The following RAB11FIP4 variants were observed in gnomAD, a reference collection of about 807,000 sequenced individuals.
The protein encoded by RAB11FIP4 is RAB11 family interacting protein 4.
In RAB11FIP4, 23 loss-of-function variants were observed where a neutral mutation model predicts 74.3. That is an observed-to-expected ratio of 0.31 (90% CI 0.22 to 0.44). The LOEUF (loss-of-function observed/expected upper bound fraction) is 0.44, where lower values mean the gene tolerates loss of function less well. Among genes scored for constraint, RAB11FIP4 ranks in the 20% least tolerant of loss-of-function variants. RAB11FIP4 has a pLI of 1.00. For synonymous variants in RAB11FIP4, 360 were observed against 359.9 expected (o/e 1.00, Z 0.00); for missense variants, 630 against 863.9 (o/e 0.73, Z 3.39).
In RAB11FIP4 at chr17:31,536,912, A is replaced by G. The variant is rs2072974139; in HGVS notation, c.*5180A>G. ...CCATGCTCACCAGGCGAGGTTTCCC[A>G]TATGACCTCCCTGCCCCGACCTCGT... On this transcript the variant is annotated 3_prime_UTR_variant, in exon 15 of 15. Transcript: ENST00000621161. The G allele has an allele frequency of 7.5e-6, 3 of 398,778 alleles. No homozygotes were observed. Among genetic ancestry groups the G allele is most frequent in the South Asian group, 2.6e-4 (2 of 7,746 alleles). The allele number at this position is 398,778 out of a possible 1,614,324, so 24.7% of individuals were successfully genotyped here.
At chr17:31,410,571 A>G (rs1296573834) in intron 1 of RAB11FIP4, among the ~76,000 whole-genome samples, 1 of 151,574 alleles carries the variant, frequency 6.6e-6, no homozygotes, top group Non-Finnish European at 1.5e-5. Flanking sequence ...GAAATTGGCC[A>G]GGCATGGTGG....
rs112402027 is a variant in RAB11FIP4, at chr17:31,435,689, G to T, written c.336+1567G>T. On this transcript the variant is annotated intron_variant, in intron 3 of 14. Coordinates refer to ENST00000621161, the MANE Select transcript of RAB11FIP4 (RefSeq NM_032932.6). ...AGGCCTCTTGGAATCCAGCTGGGTC[G>T]TGGGGTCAGGGTTAGGTTCCCTGGG... Among the ~76,000 whole-genome samples the T allele has an allele frequency of 2.6e-5, 4 of 152,332 alleles. No homozygotes were observed. In the East Asian group the frequency reaches 7.7e-4, roughly 29 times the overall value.
chr17:31,456,061 G>A (rs1213294113), intron 3 of RAB11FIP4, among the ~76,000 whole-genome samples: 2 of 152,154 alleles, frequency 1.3e-5, no homozygotes, highest in African/African-American at 2.4e-5. Context: ...ACCAAGTTCC[G>A]TGTCAGAAAG....
chr17:31,447,085 C>A (rs371795573), intron 3 of RAB11FIP4, among the ~76,000 whole-genome samples: 1 of 152,124 alleles, frequency 6.6e-6, no homozygotes. Flanking sequence ...GAGATCGAGA[C>A]CATCCTGGCT....
intron 13 of RAB11FIP4, 26 bp from the exon 14 acceptor site, chr17:31,530,300 T>C (rs1377549950): frequency 6.2e-7 from 1 of 1,611,584 alleles, no homozygotes; most frequent in Non-Finnish European, 8.5e-7. Context: ...TTGGGGTTGA[T>C]GTCGCCTTCG....
chr17:31,397,379 G>T (rs553605272), intron 1 of RAB11FIP4, among the ~76,000 whole-genome samples: 3 of 152,310 alleles, frequency 2.0e-5, no homozygotes, highest in South Asian at 2.1e-4. Context: ...GTGGCGGGGG[G>T]TGCAGAATTG....
In RAB11FIP4 at chr17:31,521,438, G is replaced by A. The variant is rs8066568; in HGVS notation, c.758+78G>A. 330 of 1,303,744 alleles carry A rather than the reference G, an allele frequency of 2.5e-4. No individual in the cohort carries two copies. The African/African-American group carries it at 4.7e-3, about 18-fold the overall frequency. The allele number at this position is 1,303,744 out of a possible 1,614,324, so 80.8% of individuals were successfully genotyped here. On this transcript the variant is annotated intron_variant, in intron 5 of 14. Coordinates refer to ENST00000621161, the MANE Select transcript of RAB11FIP4 (RefSeq NM_032932.6). ...TAAGCACATCCTAGGGGGTGGGGGG[G>A]TGCGAGTCCTGAGCTGGCCCTTTTC...
chr17:31,416,050 C>G lies in RAB11FIP4; in HGVS notation c.160-15763C>G, dbSNP rs867677335. 4.6e-5 allele frequency among the ~76,000 whole-genome samples: 7 copies of G among 152,318 alleles called. No homozygotes were observed. The South Asian group carries it at 6.2e-4, about 14-fold the overall frequency. ...GGCCCAGAGAGGCAACAGGGCTTGC[C>G]CGAGGTCACGCAGTGGTACCTTATC... On this transcript the variant is annotated intron_variant, in intron 1 of 14. Transcript: ENST00000621161.
chr17:31,398,134 G>A (rs970765316), intron 1 of RAB11FIP4, among the ~76,000 whole-genome samples: 1 of 152,124 alleles, frequency 6.6e-6, no homozygotes, highest in East Asian at 1.9e-4. Context: ...CAACTCCGGG[G>A]TTCAAGCGAT....
intron 3 of RAB11FIP4, among the ~76,000 whole-genome samples, chr17:31,460,659 G>T (rs1194101730): frequency 1.3e-5 from 2 of 152,134 alleles, no homozygotes; most frequent in Admixed American, 1.3e-4. Flanking sequence ...TCCAAGACTA[G>T]TGGTAGCAGG....
chr17:31,494,590 C>T (rs1315749904), intron 3 of RAB11FIP4, among the ~76,000 whole-genome samples: 1 of 152,168 alleles, frequency 6.6e-6, no homozygotes, highest in African/African-American at 2.4e-5. Context: ...CAAAACTCTA[C>T]TTCCTCAGCT....
intron 3 of RAB11FIP4, among the ~76,000 whole-genome samples, chr17:31,476,472 A>G (rs985931081): frequency 6.6e-6 from 1 of 152,196 alleles, no homozygotes; most frequent in Non-Finnish European, 1.5e-5. Context: ...GGTGTGAGCC[A>G]CCGTGCCTGG....
At chr17:31,433,934 T>G in intron 2 of RAB11FIP4, 100 bp from the exon 3 acceptor site, 1 of 1,209,442 alleles carries the variant, frequency 8.3e-7, no homozygotes. Context: ...GGCCCCCACC[T>G]CAGCCCTTCC....
At chr17:31,456,296 TTC>T (rs4039051) in intron 3 of RAB11FIP4, among the ~76,000 whole-genome samples, 53,191 of 151,962 alleles carry the variant, frequency 0.35, 9,543 homozygotes, top group South Asian at 0.46. Flanking sequence ...TGGCCCAGCC[TTC>T]TAGGCTCAAG....
chr17:31,517,635 G>T lies in RAB11FIP4; in HGVS notation c.337-16G>T, dbSNP rs762897505. On this transcript the variant is annotated splice_polypyrimidine_tract_variant and intron_variant, in intron 3 of 14. Transcript: ENST00000621161. Reference sequence around the variant, plus strand: ...AGCTGGCCTCACTTATCTTGTCTCTGCTCTCTCTTTCCCAGGGCAGCGAGG... The same window carrying T: ...AGCTGGCCTCACTTATCTTGTCTCTTCTCTCTCTTTCCCAGGGCAGCGAGG... 3.2e-6 allele frequency: 5 copies of T among 1,584,992 alleles called. No individual in the cohort carries two copies. In the South Asian group the frequency reaches 5.8e-5, roughly 18 times the overall value.
chr17:31,505,574 A>ATAATAATT, intron 3 of RAB11FIP4, among the ~76,000 whole-genome samples: 1 of 85,106 alleles, frequency 1.2e-5, no homozygotes, highest in African/African-American at 5.1e-5. Context: ...AATATATAAT[A>ATAATAATT]ATATATAATA....
rs2072981473 is a variant in RAB11FIP4, at chr17:31,537,278, C to T, written c.*5546C>T. On this transcript the variant is annotated 3_prime_UTR_variant, in exon 15 of 15. Coordinates refer to ENST00000621161, the MANE Select transcript of RAB11FIP4 (RefSeq NM_032932.6). ...GTGCCTCCCCCAGGTGAGGCCAGCT[C>T]TCCCGGGCACATTCGTCCACAAGGA... is the stretch of plus-strand genomic sequence containing the variant. 1 of 398,868 alleles carries T rather than the reference C, an allele frequency of 2.5e-6. No homozygotes were observed. The highest frequency in any genetic ancestry group is 4.4e-6 in the Non-Finnish European group (1 of 226,104). The allele number at this position is 398,868 out of a possible 1,614,324, so 24.7% of individuals were successfully genotyped here.
chr17:31,484,282 G>A (rs1214623911), intron 3 of RAB11FIP4, among the ~76,000 whole-genome samples: 1 of 151,818 alleles, frequency 6.6e-6, no homozygotes, highest in Non-Finnish European at 1.5e-5. Context: ...CGTTGGCCAG[G>A]CTGGTCTCGA....
intron 1 of RAB11FIP4, among the ~76,000 whole-genome samples, chr17:31,412,392 G>A (rs2071106679): frequency 6.6e-6 from 1 of 152,218 alleles, no homozygotes; most frequent in African/African-American, 2.4e-5. Flanking sequence ...CTTCACTTTA[G>A]TCCAGGAAAG....
Sources: allele counts gnomAD v4.1 joint callset (sites outside exome capture counted in the v4.1 genomes callset), GRCh38; gene constraint gnomAD v4.1.1; transcripts MANE v1.5; gene names NCBI Gene and HGNC (gene_info 2026-07-23, HGNC 2026-07-21).